The following SEMA3D variants were observed in gnomAD, a reference collection of about 807,000 sequenced individuals.
SEMA3D encodes semaphorin 3D.
A neutral mutation model predicts 100.1 loss-of-function variants in SEMA3D; 84 were observed. The ratio of observed to expected loss-of-function variants is 0.84; its 90% CI spans 0.70 to 1.01. The LOEUF (loss-of-function observed/expected upper bound fraction) is 1.01. Among genes scored for constraint, SEMA3D ranks in the 50% least tolerant of loss-of-function variants. SEMA3D has a pLI of 0.00. For synonymous variants in SEMA3D, 312 were observed against 320.7 expected (o/e 0.97, Z 0.29); for missense variants, 875 against 934.1 (o/e 0.94, Z 0.82).
intron 12 of SEMA3D, among the ~76,000 whole-genome samples, chr7:85,025,702 C>A (rs939375775): frequency 2.0e-5 from 3 of 151,926 alleles, no homozygotes; most frequent in Admixed American, 1.3e-4. Context: ...TTTTCAGAAG[C>A]CTGAGTTTTA....
intron 9 of SEMA3D, among the ~76,000 whole-genome samples, chr7:85,052,587 T>C (rs1239857272): frequency 6.6e-6 from 1 of 151,968 alleles, no homozygotes; most frequent in African/African-American, 2.4e-5. Context: ...CTCATAGAAC[T>C]CAACTAAAGC....
At chr7:85,222,394 A>G in the SEMA3D span, among the ~76,000 whole-genome samples, 1 of 152,148 alleles carries the variant, frequency 6.6e-6, no homozygotes, top group East Asian at 1.9e-4. Context: ...AAGACTATAA[A>G]ACACTATACA....
chr7:85,205,758 A>C, the SEMA3D span, among the ~76,000 whole-genome samples: 1 of 152,036 alleles, frequency 6.6e-6, no homozygotes, highest in African/African-American at 2.4e-5. Flanking sequence ...AACAATATGC[A>C]TTATCCATGT....
intron 1 of SEMA3D, among the ~76,000 whole-genome samples, chr7:85,155,624 C>T (rs1007248619): frequency 6.6e-6 from 1 of 152,118 alleles, no homozygotes; most frequent in South Asian, 2.1e-4. Context: ...TTCACTTATA[C>T]ATTTAGGTAC....
chr7:85,130,582 T>G (rs563681500), intron 2 of SEMA3D, among the ~76,000 whole-genome samples: 1 of 152,306 alleles, frequency 6.6e-6, no homozygotes, highest in South Asian at 2.1e-4. Flanking sequence ...TTGCTATAAA[T>G]AATTTACCAG....
chr7:85,216,565 T>C, the SEMA3D span, among the ~76,000 whole-genome samples: 1 of 152,096 alleles, frequency 6.6e-6, no homozygotes, highest in Middle Eastern at 3.4e-3. Flanking sequence ...AAGTGCAAGA[T>C]GGCAAAGAAC....
Position 85,056,890 on chromosome 7 carries a change from CATATATATATAT to C in SEMA3D, c.719-1043_719-1032del, listed in dbSNP as rs10525654. Among the ~76,000 whole-genome samples the C allele has an allele frequency of 4.4e-3, 608 of 138,570 alleles. 5 individuals carry two copies. The highest frequency in any genetic ancestry group is 0.015 in the African/African-American group (585 of 38,162). The allele number at this position is 138,570 out of a possible 152,430, so 90.9% of individuals were successfully genotyped here. ...AAATTTATATAGCATACATATACAGCATATATATATATATATATATATATGTATAGCATTTAG... is the reference window on the plus strand; with the variant it reads ...AAATTTATATAGCATACATATACAGCATATATATATATGTATAGCATTTAG... On this transcript the variant is annotated intron_variant, in intron 8 of 18. Coordinates refer to ENST00000284136, the MANE Select transcript of SEMA3D (RefSeq NM_001384900.1).
At position 85,055,859 on chromosome 7, in the gene SEMA3D, C is replaced by T; in HGVS notation, c.719G>A (p.Gly240Glu). The T allele has an allele frequency of 6.5e-7, 1 of 1,527,710 alleles. No individual in the cohort carries two copies. The highest frequency in any genetic ancestry group is 8.9e-7 in the Non-Finnish European group (1 of 1,119,526). The allele number at this position is 1,527,710 out of a possible 1,614,324, so 94.6% of individuals were successfully genotyped here. The change falls in exon 9 of 19, where the codon GGA (glycine) becomes GAA (glutamate). Residue 240 changes from glycine (G) to glutamate (E), a missense_variant and splice_region_variant. By Grantham distance (98) the Gly-to-Glu change is moderately conservative. Transcript: ENST00000284136. ...GAAGAAAGTTCCAATAAATTTTGCT[C>T]CTGTTTGAAAGAAAAGAAGCTATAA... ...TDISEHYWLN[G>E]AKFIGTFFIP...
intron 16 of SEMA3D, 46 bp from the exon 17 acceptor site, chr7:85,012,892 C>T (rs760962525): frequency 6.8e-7 from 1 of 1,460,532 alleles, no homozygotes; most frequent in Non-Finnish European, 9.6e-7. Flanking sequence ...GCATGATTAC[C>T]ATCATATAGA....
At chr7:85,235,474 G>A in the SEMA3D span, among the ~76,000 whole-genome samples, 1 of 151,744 alleles carries the variant, frequency 6.6e-6, no homozygotes, top group Non-Finnish European at 1.5e-5. Context: ...ATATAACTAA[G>A]TCTTATCAAC....
At chr7:85,201,250 A>G in the SEMA3D span, among the ~76,000 whole-genome samples, 1 of 152,128 alleles carries the variant, frequency 6.6e-6, no homozygotes, top group Non-Finnish European at 1.5e-5. Flanking sequence ...TTTCCAAGGA[A>G]TGCCTCCTCC....
At chr7:85,246,659 T>C in the SEMA3D span, among the ~76,000 whole-genome samples, 1 of 151,938 alleles carries the variant, frequency 6.6e-6, no homozygotes, top group Admixed American at 6.6e-5. Context: ...TATGTAATAA[T>C]GGGAATATAG....
intron 2 of SEMA3D, chr7:85,142,716 GTTTTC>G (rs1790091353): frequency 1.1e-6 from 1 of 936,518 alleles, no homozygotes; most frequent in Non-Finnish European, 1.3e-6. Context: ...CCCCATCAAT[GTTTTC>G]TTTAATTTTA....
intron 7 of SEMA3D, among the ~76,000 whole-genome samples, chr7:85,066,913 C>CACACACACACACACACACACAG: frequency 1.3e-4 from 16 of 127,822 alleles, no homozygotes; most frequent in African/African-American, 4.7e-4. Context: ...CACACACACA[C>CACACACACACACACACACACAG]AGAGAGAGAG....
upstream of SEMA3D, among the ~76,000 whole-genome samples, chr7:85,188,393 GACT>G (rs1791620369): frequency 6.6e-6 from 1 of 152,074 alleles, no homozygotes; most frequent in Non-Finnish European, 1.5e-5. Context: ...AATCCTCGTA[GACT>G]ATTTCAAACT....
At chr7:85,221,212 G>A in the SEMA3D span, among the ~76,000 whole-genome samples, 43 of 152,114 alleles carry the variant, frequency 2.8e-4, no homozygotes, top group Non-Finnish European at 5.1e-4. Flanking sequence ...ACAAGGGAGA[G>A]AGAATAAGGA....
At chr7:85,245,730 G>T in the SEMA3D span, among the ~76,000 whole-genome samples, 1 of 152,048 alleles carries the variant, frequency 6.6e-6, no homozygotes, top group East Asian at 1.9e-4. Flanking sequence ...GATTAAATGG[G>T]TACAACAAAA....
chr7:85,031,293 T>C lies in SEMA3D; in HGVS notation c.1191+5596A>G, dbSNP rs115447110. 5.5e-4 allele frequency among the ~76,000 whole-genome samples: 83 copies of C among 152,044 alleles called. 1 individual carries two copies. Among genetic ancestry groups the C allele is most frequent in the African/African-American group, 2.0e-3 (83 of 41,540 alleles). On this transcript the variant is annotated intron_variant, in intron 12 of 18. Transcript: ENST00000284136. The stretch of plus-strand genomic sequence containing the variant: ...TTAATAGCAATACAGATGCAGAAAA[T>C]GTAAAAACAATTTTTTAAAAAATAA...
chr7:85,192,072 A>G, the SEMA3D span, among the ~76,000 whole-genome samples: 1 of 152,122 alleles, frequency 6.6e-6, no homozygotes, highest in Non-Finnish European at 1.5e-5. Context: ...TCATTCTTGC[A>G]TATTTTTATC....
Sources: allele counts gnomAD v4.1 joint callset (sites outside exome capture counted in the v4.1 genomes callset), GRCh38; gene constraint gnomAD v4.1.1; transcripts MANE v1.5; gene names NCBI Gene and HGNC (gene_info 2026-07-23, HGNC 2026-07-21).